The following MAST4 variants were observed in gnomAD, a reference collection of about 807,000 sequenced individuals.
MAST4 encodes the protein microtubule associated serine/threonine kinase family member 4, also known as microtubule-associated serine/threonine-protein kinase 4.
Under a neutral mutation model 162.7 loss-of-function variants are expected in MAST4, and 89 were observed. The ratio of observed to expected loss-of-function variants is 0.55; its 90% CI spans 0.46 to 0.65. The LOEUF (loss-of-function observed/expected upper bound fraction) is 0.65. MAST4 is among the 30% of genes least tolerant of loss of function. The pLI, the probability that MAST4 is intolerant of heterozygous loss-of-function variation, is 0.00. For missense variants in MAST4, 3,153 were observed against 3,374.0 expected, an observed-to-expected ratio of 0.93 and a Z score of 1.62; for synonymous variants, 1,479 against 1,361.1, an observed-to-expected ratio of 1.09 and a Z score of -1.91.
At chr5:67,126,284 A>G (rs1344711946) in intron 14 of MAST4, among the ~76,000 whole-genome samples, 1 of 152,044 alleles carries the variant, frequency 6.6e-6, no homozygotes, top group Non-Finnish European at 1.5e-5. Flanking sequence ...TTTTGTTGCC[A>G]TTGCTTTTGG....
At chr5:67,065,839 C>A (rs1040127416) in intron 5 of MAST4, among the ~76,000 whole-genome samples, 1 of 152,114 alleles carries the variant, frequency 6.6e-6, no homozygotes, top group Non-Finnish European at 1.5e-5. Flanking sequence ...CTACAAAAGC[C>A]GTGTAAACTG....
chr5:66,932,646 T>G (rs1234414834), intron 4 of MAST4, among the ~76,000 whole-genome samples: 1 of 152,182 alleles, frequency 6.6e-6, no homozygotes, highest in Admixed American at 6.5e-5. Context: ...ATGATGAAAG[T>G]TTTCTCCATA....
intron 4 of MAST4, among the ~76,000 whole-genome samples, chr5:67,023,496 C>T (rs1287019058): frequency 1.3e-5 from 2 of 152,102 alleles, no homozygotes; most frequent in East Asian, 3.9e-4. Context: ...GAGCCCATTG[C>T]TTCAAGACCT....
intron 3 of MAST4, among the ~76,000 whole-genome samples, chr5:66,805,348 T>G (rs973996326): frequency 6.6e-6 from 1 of 152,222 alleles, no homozygotes; most frequent in African/African-American, 2.4e-5. Flanking sequence ...TTGTGTCACA[T>G]CATAAAATTC....
chr5:66,692,497 A>G (rs1018601831), intron 1 of MAST4, among the ~76,000 whole-genome samples: 9 of 150,372 alleles, frequency 6.0e-5, no homozygotes, highest in African/African-American at 1.7e-4. Flanking sequence ...TTCATCTTCC[A>G]TCCCTGGGAG....
At chr5:66,907,160 AGAGAGAGAGAGAGAG>A (rs1763410895) in intron 4 of MAST4, among the ~76,000 whole-genome samples, 5 of 10,542 alleles carry the variant, frequency 4.7e-4, no homozygotes, top group African/African-American at 7.0e-4. Context: ...CAGCAAAGCG[AGAGAGAGAGAGAGAG>A]AGAGAGAGAG....
intron 26 of MAST4, 107 bp downstream of exon 26, chr5:67,153,687 A>T (rs1309450650): frequency 6.6e-6 from 7 of 1,068,360 alleles, no homozygotes; most frequent in Non-Finnish European, 8.8e-6. Flanking sequence ...GATTACTGAG[A>T]AAGTATTCAT....
chr5:66,692,617 C>T (rs959212671), intron 1 of MAST4, among the ~76,000 whole-genome samples: 1 of 152,120 alleles, frequency 6.6e-6, no homozygotes, highest in African/African-American at 2.4e-5. Flanking sequence ...GCAGTGGACT[C>T]ATTAAATCAT....
chr5:67,072,473 C>T (rs910248307), intron 5 of MAST4, among the ~76,000 whole-genome samples: 1 of 152,238 alleles, frequency 6.6e-6, no homozygotes, highest in South Asian at 2.1e-4. Flanking sequence ...ATACCAGAAG[C>T]ATTTTGTTAA....
intron 3 of MAST4, among the ~76,000 whole-genome samples, chr5:66,863,760 C>CCCTG (rs1464184223): frequency 1.4e-4 from 22 of 152,084 alleles, no homozygotes; most frequent in Non-Finnish European, 5.9e-5. Flanking sequence ...CTCCCTGGCT[C>CCCTG]CCTGCTGGTG....
intron 4 of MAST4, among the ~76,000 whole-genome samples, chr5:66,947,747 G>A (rs919525524): frequency 3.3e-5 from 5 of 152,020 alleles, no homozygotes; most frequent in Admixed American, 2.0e-4. Context: ...AGTGTATCCC[G>A]GACCCCACAG....
At chr5:67,131,529 T>A (rs1768965257) in intron 15 of MAST4, among the ~76,000 whole-genome samples, 1 of 152,164 alleles carries the variant, frequency 6.6e-6, no homozygotes, top group Non-Finnish European at 1.5e-5. Flanking sequence ...TTTTAAATTG[T>A]TACCATGATC....
At chr5:66,601,010 A>G (rs1742517303) in intron 1 of MAST4, among the ~76,000 whole-genome samples, 2 of 152,206 alleles carry the variant, frequency 1.3e-5, no homozygotes, top group African/African-American at 4.8e-5. Context: ...TGATAGGATG[A>G]CTTTAAATTG....
chr5:67,169,273 T>C lies in MAST4; in HGVS notation c.*2222T>C, dbSNP rs1011333275. On this transcript the variant is annotated 3_prime_UTR_variant, in exon 29 of 29. Transcript: ENST00000403625. The stretch of plus-strand genomic sequence containing the variant: ...TCATTTTTGCCAAATATGTTTTTCA[T>C]TATAAATGAGTAAAGAGTACTTAAG... 1.3e-5 allele frequency: 2 copies of C among 152,242 alleles called. No homozygotes were observed. Among genetic ancestry groups the C allele is most frequent in the Non-Finnish European group, 2.9e-5 (2 of 68,034 alleles). The allele number at this position is 152,242 out of a possible 1,614,324, so 9.4% of individuals were successfully genotyped here.
intron 1 of MAST4, among the ~76,000 whole-genome samples, chr5:66,620,367 A>G (rs528973263): frequency 2.6e-5 from 4 of 152,314 alleles, no homozygotes; most frequent in Admixed American, 2.6e-4. Context: ...AAAGCTCAAT[A>G]CAGTTTTAAA....
chr5:66,750,702 G>A (rs1012106790), intron 1 of MAST4, among the ~76,000 whole-genome samples: 35 of 152,184 alleles, frequency 2.3e-4, no homozygotes, highest in African/African-American at 7.2e-4. Flanking sequence ...ACTGCAAGGC[G>A]GTAGCGAGGC....
chr5:66,953,109 G>A (rs1744892605), intron 4 of MAST4, among the ~76,000 whole-genome samples: 1 of 152,170 alleles, frequency 6.6e-6, no homozygotes, highest in Non-Finnish European at 1.5e-5. Context: ...TGGCTTATGT[G>A]AGTGGTTAGA....
chr5:66,669,076 A>T (rs1457276314), intron 1 of MAST4, among the ~76,000 whole-genome samples: 1 of 152,240 alleles, frequency 6.6e-6, no homozygotes, highest in Admixed American at 6.5e-5. Context: ...TCTAAATCTC[A>T]GTCTAGTGCC....
chr5:66,846,373 C>T (rs1003020222), intron 3 of MAST4, among the ~76,000 whole-genome samples: 1 of 152,146 alleles, frequency 6.6e-6, no homozygotes, highest in East Asian at 1.9e-4. Flanking sequence ...ATCCATACTT[C>T]TCCAATAGCC....
Sources: allele counts gnomAD v4.1 joint callset (sites outside exome capture counted in the v4.1 genomes callset), GRCh38; gene constraint gnomAD v4.1.1; transcripts MANE v1.5; gene names NCBI Gene and HGNC (gene_info 2026-07-23, HGNC 2026-07-21).